USPL1: variants seen among roughly 807,000 people sequenced by gnomAD.
The protein encoded by USPL1 is ubiquitin specific peptidase like 1, also known as SUMO-specific isopeptidase USPL1.
In USPL1, 27 loss-of-function variants were observed where a neutral mutation model predicts 51.5. The observed-to-expected ratio is 0.52, with a 90% CI of 0.39 to 0.72. The LOEUF (loss-of-function observed/expected upper bound fraction) is 0.72. Among genes scored for constraint, USPL1 ranks in the 30% least tolerant of loss-of-function variants. USPL1 has a pLI of 0.00. For synonymous variants in USPL1, 451 were observed against 459.6 expected, an observed-to-expected ratio of 0.98 and a Z score of 0.24; for missense variants, 1,226 against 1,268.0, an observed-to-expected ratio of 0.97 and a Z score of 0.50.
Position 30,658,688 on chromosome 13 carries a change from G to T in USPL1, c.2611G>T (p.Gly871Cys), listed in dbSNP as rs373723657. 6.2e-7 allele frequency: 1 copy of T among 1,614,174 alleles called. No homozygotes were observed. The highest frequency in any genetic ancestry group is 8.5e-7 in the Non-Finnish European group (1 of 1,180,034). Residue 871 changes from glycine to cysteine, a missense_variant, in exon 9 of 9, where the codon GGT (glycine) becomes TGT (cysteine). Gly to Cys is a radical substitution (Grantham distance 159). Coordinates refer to ENST00000255304, the MANE Select transcript of USPL1 (RefSeq NM_005800.5). ...ACTCAACCACAGTTCTTATGGGAAT[G>T]GTATTTCTTCAGCAAACCATGAAGA... The part of the protein sequence containing the change: ...AQLNHSSYGN[G>C]ISSANHEDLV...
chr13:30,619,546 T>C (rs1242652848), intron 1 of USPL1, among the ~76,000 whole-genome samples: 2 of 152,206 alleles, frequency 1.3e-5, no homozygotes, highest in African/African-American at 2.4e-5. Context: ...AGTTTCCCAT[T>C]TGAGAGTACC....
chr13:30,658,881 T>C lies in USPL1; in HGVS notation c.2804T>C (p.Ile935Thr), dbSNP rs1951212750. The change falls in exon 9 of 9, where the codon ATA becomes ACA. Residue 935 changes from isoleucine (I) to threonine (T), a missense_variant. Physicochemically the swap from Ile to Thr is moderately conservative, Grantham distance 89 (BLOSUM62 -1). Transcript: ENST00000255304. ...GGGTCTCCAAATGATTGTGAATCAA[T>C]AGAGGACTTGTTAAATGAGCTACCA... ...QDGSPNDCES[I>T]EDLLNELPYP... 2 of 1,614,010 alleles carry C rather than the reference T, an allele frequency of 1.2e-6. No individual in the cohort carries two copies. Among genetic ancestry groups the C allele is most frequent in the Admixed American group, 1.7e-5 (1 of 60,000 alleles).
In USPL1 at chr13:30,637,753, G is replaced by C. The variant is rs1339300694; in HGVS notation, c.878G>C (p.Cys293Ser). 6.2e-7 allele frequency: 1 copy of C among 1,610,056 alleles called. No individual in the cohort carries two copies. Among genetic ancestry groups the C allele is most frequent in the Admixed American group, 1.7e-5 (1 of 59,094 alleles). The change falls in exon 5 of 9, where the codon TGT becomes TCT. Residue 293 changes from cysteine (C) to serine (S), a missense_variant. Cys to Ser is a moderately radical substitution (Grantham distance 112, BLOSUM62 -1). Coordinates refer to ENST00000255304, the MANE Select transcript of USPL1 (RefSeq NM_005800.5). ...CTCTGTATTTTCTTAGATGGAGATT[G>C]TAAAAAACTTACCTCAGAAATATTT... ...SQLSGVKDGD[C>S]KKLTSEIFAE...
At chr13:30,642,107 C>T (rs35547147) in intron 5 of USPL1, among the ~76,000 whole-genome samples, 4 of 151,942 alleles carry the variant, frequency 2.6e-5, no homozygotes, top group Non-Finnish European at 4.4e-5. Context: ...GAGATAATGC[C>T]TCGCTATATT....
chr13:30,633,771 T>C (rs986670350), intron 4 of USPL1, among the ~76,000 whole-genome samples: 2 of 124,760 alleles, frequency 1.6e-5, no homozygotes, highest in Admixed American at 1.0e-4. Context: ...GGTGATAGAA[T>C]GAGACTCTGT....
At chr13:30,645,805 C>G (rs141748120) in intron 6 of USPL1, among the ~76,000 whole-genome samples, 186 of 152,192 alleles carry the variant, frequency 1.2e-3, no homozygotes, top group African/African-American at 3.3e-3. Flanking sequence ...TGTCACTTTC[C>G]CCATCTGTAA....
At chr13:30,634,881 A>C (rs1466962679) in intron 4 of USPL1, among the ~76,000 whole-genome samples, 1 of 152,160 alleles carries the variant, frequency 6.6e-6, no homozygotes, top group Admixed American at 6.5e-5. Context: ...GATTTTTGCT[A>C]TTTGAGTGGT....
chr13:30,630,333 C>T (rs917980327), intron 3 of USPL1, among the ~76,000 whole-genome samples: 1 of 152,150 alleles, frequency 6.6e-6, no homozygotes, highest in Non-Finnish European at 1.5e-5. Context: ...TAAAATTCAG[C>T]CACTTGGACT....
chr13:30,648,738 G>A (rs1394472033), intron 7 of USPL1, among the ~76,000 whole-genome samples: 1 of 152,064 alleles, frequency 6.6e-6, no homozygotes, highest in Non-Finnish European at 1.5e-5. Flanking sequence ...TTATTTGATA[G>A]CATTTGTGTA....
rs528021787 is a variant in USPL1, at chr13:30,621,869, A to G, written c.205A>G (p.Ile69Val). 197 of 1,562,840 alleles carry G rather than the reference A, an allele frequency of 1.3e-4. 5 individuals carry two copies. The South Asian group carries it at 2.3e-3, about 18-fold the overall frequency. Residue 69 changes from isoleucine (I) to valine (V), a missense_variant, in exon 3 of 9, where the codon ATC becomes GTC. Transcript: ENST00000255304. ...KTYRISFQES[I>V]FLCEDLQCIY... is the part of the protein sequence containing the mutation. The stretch of plus-strand genomic sequence containing the variant: ...TTACCGAATTAGTTTTCAAGAATCT[A>G]TCTTTTTGTGTGAGGATCTGCAGGT...
In USPL1 at chr13:30,659,372, C is replaced by CT. The variant is rs375353192; in HGVS notation, c.*22dup. 6.5e-7 allele frequency: 1 copy of CT among 1,535,544 alleles called. No homozygotes were observed. Among genetic ancestry groups the CT allele is most frequent in the Non-Finnish European group, 8.8e-7 (1 of 1,142,406 alleles). ...GAATTATTGAATTAATGCTTGTTAA[C>CT]TTTTTTCATATAATATTTATTATTA... On this transcript the variant is annotated 3_prime_UTR_variant, in exon 9 of 9. Transcript: ENST00000255304.
chr13:30,621,363 C>A, intron 2 of USPL1, 124 bp downstream of exon 2: 1 of 668,222 alleles, frequency 1.5e-6, no homozygotes, highest in Non-Finnish European at 2.5e-6. Flanking sequence ...GGAAATCTTA[C>A]AGTAATGGCG....
intron 3 of USPL1, among the ~76,000 whole-genome samples, chr13:30,624,954 C>T (rs1950692018): frequency 6.6e-6 from 1 of 152,188 alleles, no homozygotes; most frequent in Non-Finnish European, 1.5e-5. Context: ...TCCCTTACCT[C>T]CCTGAACACA....
chr13:30,627,884 T>C, intron 3 of USPL1, among the ~76,000 whole-genome samples: 1 of 151,714 alleles, frequency 6.6e-6, no homozygotes, highest in Non-Finnish European at 1.5e-5. Flanking sequence ...CTGTTTCTTT[T>C]CTTTTTTTTT....
intron 4 of USPL1, among the ~76,000 whole-genome samples, chr13:30,633,038 C>T (rs1950828563): frequency 6.6e-6 from 1 of 152,078 alleles, no homozygotes; most frequent in Non-Finnish European, 1.5e-5. Context: ...AAATGTGTTT[C>T]ATCATTCCAT....
At chr13:30,654,837 A>G (rs1009187599) in intron 8 of USPL1, among the ~76,000 whole-genome samples, 1 of 151,738 alleles carries the variant, frequency 6.6e-6, no homozygotes, top group Non-Finnish European at 1.5e-5. Flanking sequence ...TTTAATTCAT[A>G]TGTCTTTTTA....
At position 30,658,608 on chromosome 13, in the gene USPL1, C is replaced by T. The variant is rs756689214; in HGVS notation, c.2531C>T (p.Ala844Val). ...AATGGCACAGCTGCCCACCCACATGCTCATGCTGCTTCAGAAGTTTTGGAA... is the reference window on the plus strand; with the variant it reads ...AATGGCACAGCTGCCCACCCACATGTTCATGCTGCTTCAGAAGTTTTGGAA... ...SSNGTAAHPHAHAASEVLEKS... is the reference protein window; with the variant it reads ...SSNGTAAHPHVHAASEVLEKS... Residue 844 changes from alanine to valine, a missense_variant, in exon 9 of 9, where the codon GCT becomes GTT. By Grantham distance (64) the Ala-to-Val change is moderately conservative. Transcript: ENST00000255304. The T allele has an allele frequency of 1.9e-6, 3 of 1,614,098 alleles. No individual in the cohort carries two copies. The African/African-American group carries it at 4.0e-5, about 22-fold the overall frequency.
At chr13:30,647,142 C>A in intron 7 of USPL1, 85 bp downstream of exon 7, 1 of 1,380,174 alleles carries the variant, frequency 7.2e-7, no homozygotes, top group Admixed American at 1.9e-5. Flanking sequence ...AAAATGGTGA[C>A]AACAACTTAC....
chr13:30,623,484 C>A (rs1950670603), intron 3 of USPL1, among the ~76,000 whole-genome samples: 1 of 152,064 alleles, frequency 6.6e-6, no homozygotes, highest in South Asian at 2.1e-4. Context: ...TGGGCAAGAC[C>A]TGAAGCAGGG....
Sources: allele counts gnomAD v4.1 joint callset (sites outside exome capture counted in the v4.1 genomes callset), GRCh38; gene constraint gnomAD v4.1.1; transcripts MANE v1.5; gene names NCBI Gene and HGNC (gene_info 2026-07-23, HGNC 2026-07-21).